Variants in KHNYN observed in about 807,000 individuals in gnomAD.
KHNYN encodes the protein KH and NYN domain containing, also known as protein KHNYN.
Under a neutral mutation model 62.7 loss-of-function variants are expected in KHNYN, and 42 were observed. The observed-to-expected ratio is 0.67, with a 90% CI of 0.52 to 0.87. The LOEUF (loss-of-function observed/expected upper bound fraction) is 0.87. Among genes scored for constraint, KHNYN ranks in the 40% least tolerant of loss-of-function variants. The pLI, the probability that KHNYN is intolerant of heterozygous loss-of-function variation, is 0.00. For missense variants in KHNYN, 829 were observed against 874.1 expected (o/e 0.95, Z 0.65); for synonymous variants, 347 against 345.6 (o/e 1.00, Z -0.04).
rs2043134190 is a variant in KHNYN at position 24,432,343 on chromosome 14, C to T, written c.1082C>T (p.Pro361Leu). The T allele has an allele frequency of 1.9e-6, 3 of 1,614,044 alleles. No individual in the cohort carries two copies. Among genetic ancestry groups the T allele is most frequent in the Non-Finnish European group, 2.5e-6 (3 of 1,179,998 alleles). Residue 361 changes from proline to leucine, a missense_variant, in exon 3 of 8, where the codon CCA becomes CTA. This residue lies in a region of KHNYN where 559 missense variants were observed against 527.0 expected (regional missense o/e 1.06). Transcript: ENST00000553935. This position sits in a 1 kb window ranked among gnomAD's most constrained non-coding sequence, Gnocchi z 5.6. The part of the protein sequence containing the change: ...NASPPRVPSP[P>L]PAPEPPWHCG... ...TCTCCTCCGAGGGTGCCCAGCCCTC[C>T]ACCTGCACCGGAACCCCCATGGCAC...
chr14:24,437,239 G>A lies in KHNYN; in HGVS notation c.1991G>A (p.Arg664Gln), dbSNP rs770024204. 181 of 1,614,022 alleles carry A rather than the reference G, an allele frequency of 1.1e-4. No individual in the cohort carries two copies. Among genetic ancestry groups the A allele is most frequent in the Non-Finnish European group, 1.5e-4 (176 of 1,180,036 alleles). ...ATCCTGCAGCGGGAGCCATACTGCC[G>A]GGACATCAACCAACTGTCTGAGGCC... ...DFILQREPYC[R>Q]DINQLSEALL... The change falls in exon 8 of 8, where the codon CGG (arginine) becomes CAG (glutamine). Residue 664 changes from arginine (R) to glutamine (Q), a missense_variant. Physicochemically the swap from Arg to Gln is conservative, Grantham distance 43. Transcript: ENST00000553935. This position sits in a 1 kb window ranked among gnomAD's most constrained non-coding sequence, Gnocchi z 5.5.
chr14:24,428,552 G>A, upstream of KHNYN: 4 of 1,143,920 alleles, frequency 3.5e-6, no homozygotes, highest in Non-Finnish European at 4.9e-6. Flanking sequence ...AAAAGAAATG[G>A]TGAGAAGGGG....
upstream of KHNYN, chr14:24,427,948 G>T (rs1382134590): frequency 6.2e-7 from 1 of 1,613,756 alleles, no homozygotes; most frequent in Non-Finnish European, 8.5e-7. The surrounding 1 kb of genome is among the most constrained non-coding windows in gnomAD (Gnocchi z 4.4). Context: ...CATTGGCAAA[G>T]GCTGAGATGA....
upstream of KHNYN, among the ~76,000 whole-genome samples, chr14:24,425,516 A>AG (rs2043011841): frequency 6.6e-6 from 1 of 152,230 alleles, no homozygotes; most frequent in South Asian, 2.1e-4. Context: ...TGGCAAGCTA[A>AG]GGATGGTAGA....
chr14:24,428,749 G>A (rs1201575707), upstream of KHNYN: 1 of 1,576,156 alleles, frequency 6.3e-7, no homozygotes, highest in African/African-American at 1.3e-5. Flanking sequence ...GGGGTAGGGG[G>A]ATTACCTGGT....
Position 24,441,231 on chromosome 14 carries a change from G to C in KHNYN, c.*3946G>C. The C allele has an allele frequency of 2.0e-6, 1 of 491,096 alleles. No homozygotes were observed. Among genetic ancestry groups the C allele is most frequent in the Non-Finnish European group, 3.7e-6 (1 of 271,816 alleles). The allele number at this position is 491,096 out of a possible 1,614,324, so 30.4% of individuals were successfully genotyped here. On this transcript the variant is annotated 3_prime_UTR_variant, in exon 8 of 8. Transcript: ENST00000553935. ...TTATTAACTCTCTGACTTGATGCAAGTTACTTAACCTCTCTGTATAGAATT... is the reference window on the plus strand; with the variant it reads ...TTATTAACTCTCTGACTTGATGCAACTTACTTAACCTCTCTGTATAGAATT...
the KHNYN span, among the ~76,000 whole-genome samples, chr14:24,423,858 G>T: frequency 1.2e-4 from 19 of 152,162 alleles, no homozygotes; most frequent in African/African-American, 4.1e-4. Flanking sequence ...AGGAGCTTTT[G>T]GTACCTGGAG....
chr14:24,435,296 T>C (rs755822062), intron 5 of KHNYN, among the ~76,000 whole-genome samples: 3 of 152,092 alleles, frequency 2.0e-5, no homozygotes, highest in Non-Finnish European at 2.9e-5. Flanking sequence ...TTAGGGAATA[T>C]TGGGAGAGAT....
At chr14:24,424,532 T>C (rs552906042), upstream of KHNYN, among the ~76,000 whole-genome samples, 1 of 152,312 alleles carries the variant, frequency 6.6e-6, no homozygotes, top group African/African-American at 2.4e-5. Flanking sequence ...GAACTTCAAA[T>C]ATGCAATTCA....
At position 24,440,107 on chromosome 14, in the gene KHNYN, A is replaced by G; in HGVS notation, c.*2822A>G. On this transcript the variant is annotated 3_prime_UTR_variant, in exon 8 of 8. Coordinates refer to ENST00000553935, the MANE Select transcript of KHNYN (RefSeq NM_015299.3). ...CTTAGGCTACAATTTCCTTTAAGGC[A>G]GCCCCTAGCTCTGGGAAGGAATACT... 1 of 1,605,640 alleles carries G rather than the reference A, an allele frequency of 6.2e-7. No homozygotes were observed. The highest frequency in any genetic ancestry group is 8.5e-7 in the Non-Finnish European group (1 of 1,173,632).
In KHNYN at chr14:24,440,569, C is replaced by T. The variant is rs1200601985; in HGVS notation, c.*3284C>T. ...CCACTGCTCCTCCTGGTTTCTGTTT[C>T]CCCTTCCTCACTCTCCCCATGCTGA... On this transcript the variant is annotated 3_prime_UTR_variant, in exon 8 of 8. Coordinates refer to ENST00000553935, the MANE Select transcript of KHNYN (RefSeq NM_015299.3). 2.0e-6 allele frequency: 3 copies of T among 1,504,820 alleles called. No individual in the cohort carries two copies. The highest frequency in any genetic ancestry group is 1.4e-5 in the African/African-American group (1 of 72,180). 93.2% of individuals were successfully genotyped at this position (1,504,820 alleles called of 1,614,324 possible).
chr14:24,441,216 T>C lies in KHNYN; in HGVS notation c.*3931T>C. ...AATCAGCTCCCTCATTTATTAACTC[T>C]CTGACTTGATGCAAGTTACTTAACC... On this transcript the variant is annotated 3_prime_UTR_variant, in exon 8 of 8. Coordinates refer to ENST00000553935, the MANE Select transcript of KHNYN (RefSeq NM_015299.3). The C allele has an allele frequency of 2.0e-6, 1 of 508,532 alleles. No homozygotes were observed. Among genetic ancestry groups the C allele is most frequent in the Non-Finnish European group, 3.5e-6 (1 of 282,694 alleles). The allele number at this position is 508,532 out of a possible 1,614,324, so 31.5% of individuals were successfully genotyped here. A position where few individuals can be genotyped will look rare whatever the true frequency, so the allele number is the denominator to read the frequency against.
At chr14:24,433,403 A>G (rs141051735) in intron 5 of KHNYN, among the ~76,000 whole-genome samples, 1 of 152,242 alleles carries the variant, frequency 6.6e-6, no homozygotes, top group Admixed American at 6.5e-5. Context: ...TTTCCCTAAC[A>G]TTCTGGAAAA....
At chr14:24,435,311 C>T (rs1331187407) in intron 5 of KHNYN, 1 of 152,202 alleles carries the variant, frequency 6.6e-6, no homozygotes, top group Non-Finnish European at 1.5e-5. Flanking sequence ...AGAGATAAGG[C>T]TGTAAGGGTG....
chr14:24,437,152 C>G lies in KHNYN; in HGVS notation c.1904C>G (p.Thr635Arg). ...GSGGIRKTRETERLRRQLLEV... is the reference protein window; with the variant it reads ...GSGGIRKTRERERLRRQLLEV... ...GGTGGCATTCGGAAGACCCGGGAAACAGAGCGGCTCCGGCGGCAGCTGCTG... is the reference window on the plus strand; with the variant it reads ...GGTGGCATTCGGAAGACCCGGGAAAGAGAGCGGCTCCGGCGGCAGCTGCTG... The change falls in exon 8 of 8, where the codon ACA (threonine) becomes AGA (arginine). Residue 635 changes from threonine (T) to arginine (R), a missense_variant. Thr to Arg is a moderately conservative substitution (Grantham distance 71). This residue lies in a region of KHNYN where 270 missense variants were observed against 347.1 expected (regional missense o/e 0.78). Transcript: ENST00000553935. The surrounding 1 kb of genome is among the most constrained non-coding windows in gnomAD (Gnocchi z 5.5). The G allele has an allele frequency of 6.2e-7, 1 of 1,614,190 alleles. No individual in the cohort carries two copies. Among genetic ancestry groups the G allele is most frequent in the Non-Finnish European group, 8.5e-7 (1 of 1,180,030 alleles).
rs1265032861 is a variant in KHNYN at position 24,437,026 on chromosome 14, T to G, written c.1788-10T>G. 1 of 1,609,214 alleles carries G rather than the reference T, an allele frequency of 6.2e-7. No individual in the cohort carries two copies. Among genetic ancestry groups the G allele is most frequent in the Non-Finnish European group, 8.5e-7 (1 of 1,176,530 alleles). ...TGCTCATCAGCTCTTTTTGGTCTGT[T>G]TCTTCCCAGGACACAGGGGTCTTCT... On this transcript the variant is annotated splice_polypyrimidine_tract_variant and intron_variant, in intron 7 of 7. Coordinates refer to ENST00000553935, the MANE Select transcript of KHNYN (RefSeq NM_015299.3). This position sits in a 1 kb window ranked among gnomAD's most constrained non-coding sequence, Gnocchi z 5.5.
upstream of KHNYN, among the ~76,000 whole-genome samples, chr14:24,425,186 G>A (rs1370215337): frequency 6.6e-6 from 1 of 152,268 alleles, no homozygotes; most frequent in Non-Finnish European, 1.5e-5. Context: ...GGTCGACAGA[G>A]CATGACTCTG....
In KHNYN at chr14:24,429,966, A is replaced by T; in HGVS notation, c.-171A>T. ...TGACTCAAGAAACAGTTTGCGTGCG[A>T]TGTGGACAAGAGAGGTCCCCGCTGG... On this transcript the variant is annotated 5_prime_UTR_variant, in exon 1 of 8. The change abolishes an upstream ATG in the 5' untranslated region. Transcript: ENST00000553935. 1 of 993,244 alleles carries T rather than the reference A, an allele frequency of 1.0e-6. No individual in the cohort carries two copies. The highest frequency in any genetic ancestry group is 1.2e-6 in the Non-Finnish European group (1 of 833,986). 61.5% of individuals were successfully genotyped at this position (993,244 alleles called of 1,614,324 possible).
At chr14:24,431,094 C>A in intron 2 of KHNYN, 163 bp downstream of exon 2, 1 of 655,248 alleles carries the variant, frequency 1.5e-6, no homozygotes, top group Non-Finnish European at 2.6e-6. Context: ...TTTTGAGGGA[C>A]TTTCCAACTC....
Sources: allele counts gnomAD v4.1 joint callset (sites outside exome capture counted in the v4.1 genomes callset), GRCh38; gene constraint gnomAD v4.1.1; regional missense constraint gnomAD v4.1.1; non-coding constraint Gnocchi (gnomAD v3.1); transcripts MANE v1.5; gene names NCBI Gene and HGNC (gene_info 2026-07-23, HGNC 2026-07-21).